The following AKAIN1 variants were observed in gnomAD, a reference collection of about 807,000 sequenced individuals.
AKAIN1 encodes A-kinase anchor inhibitor 1.
Under a neutral mutation model 3.7 loss-of-function variants are expected in AKAIN1, and 3 were observed. That is an observed-to-expected ratio of 0.82 (90% CI 0.37 to 2.12). The LOEUF is 2.12. Among genes scored for constraint, AKAIN1 ranks in the 30% most tolerant of loss-of-function variants. The pLI is 0.06. For missense variants in AKAIN1, 82 were observed against 82.7 expected (o/e 0.99, Z 0.03); for synonymous variants, 31 against 30.8 (o/e 1.01, Z -0.02).
At chr18:5,169,056 C>T (rs2143344546) in intron 1 of AKAIN1, among the ~76,000 whole-genome samples, 1 of 152,030 alleles carries the variant, frequency 6.6e-6, no homozygotes, top group South Asian at 2.1e-4. Context: ...GCAGGGCGGG[C>T]TGGCAATCTG....
chr18:5,182,856 C>A (rs1598314903), intron 1 of AKAIN1, among the ~76,000 whole-genome samples: 1 of 152,212 alleles, frequency 6.6e-6, no homozygotes, highest in East Asian at 1.9e-4. Flanking sequence ...AATCTAGGAA[C>A]TGTGCAAGGA....
intron 1 of AKAIN1, among the ~76,000 whole-genome samples, chr18:5,188,605 C>T (rs11081175): frequency 0.043 from 6,483 of 152,136 alleles, 443 homozygotes; most frequent in East Asian, 0.3. Context: ...GCTGCAAACC[C>T]TTGCTTGTAA....
At chr18:5,184,198 C>T (rs2071274565) in intron 1 of AKAIN1, among the ~76,000 whole-genome samples, 2 of 152,128 alleles carry the variant, frequency 1.3e-5, no homozygotes, top group South Asian at 4.1e-4. Flanking sequence ...AAGTGCTGCA[C>T]TGATTTGAGG....
At chr18:5,168,538 C>G (rs1297979669) in intron 1 of AKAIN1, among the ~76,000 whole-genome samples, 3 of 152,106 alleles carry the variant, frequency 2.0e-5, no homozygotes, top group Non-Finnish European at 4.4e-5. Flanking sequence ...ACCACACTGT[C>G]TTTATATTTC....
rs1334464300 is a variant in AKAIN1, at chr18:5,144,131, CCTGTGCA to C, written c.*1424_*1430del. Among the ~76,000 whole-genome samples, 3 of 152,108 alleles carry C rather than the reference CCTGTGCA, an allele frequency of 2.0e-5. No homozygotes were observed. The highest frequency in any genetic ancestry group is 4.4e-5 in the Non-Finnish European group (3 of 68,014). ...CCATGTTTCCTGTGAATTTATTCCA[CCTGTGCA>C]CTGTGGGAGATAGCATAACAAAGCT... On this transcript the variant is annotated 3_prime_UTR_variant, in exon 2 of 2. Coordinates refer to ENST00000434239, the MANE Select transcript of AKAIN1 (RefSeq NM_001145194.2).
chr18:5,161,989 A>C (rs1441796695), intron 1 of AKAIN1, among the ~76,000 whole-genome samples: 5 of 152,138 alleles, frequency 3.3e-5, no homozygotes, highest in Non-Finnish European at 7.4e-5. Flanking sequence ...TTTTTGGGAG[A>C]TCTGAGAGGC....
chr18:5,153,789 C>T (rs570175460), intron 1 of AKAIN1, among the ~76,000 whole-genome samples: 1 of 151,874 alleles, frequency 6.6e-6, no homozygotes, highest in South Asian at 2.1e-4. Flanking sequence ...AAGAGTAAAC[C>T]CTATTATGAA....
intron 1 of AKAIN1, among the ~76,000 whole-genome samples, chr18:5,182,004 G>A (rs542319219): frequency 3.9e-5 from 6 of 152,114 alleles, no homozygotes; most frequent in South Asian, 2.1e-4. Context: ...ATACCTAAAC[G>A]TATTCAGCTT....
At chr18:5,193,684 C>T (rs2071333779) in intron 1 of AKAIN1, among the ~76,000 whole-genome samples, 1 of 152,146 alleles carries the variant, frequency 6.6e-6, no homozygotes, top group South Asian at 2.1e-4. Context: ...TACCAATGGT[C>T]AGTGGTCTTT....
chr18:5,182,572 C>T (rs1172015125), intron 1 of AKAIN1, among the ~76,000 whole-genome samples: 1 of 152,102 alleles, frequency 6.6e-6, no homozygotes, highest in Non-Finnish European at 1.5e-5. Context: ...TCTGCAACAA[C>T]CAACTTTGCT....
Position 5,159,801 on chromosome 18 carries a change from C to T in AKAIN1, c.17-14046G>A, listed in dbSNP as rs551116641. ...AACTAGGCATTGGCCAGATCCTAGACGCCACCTGAGTACTGCTCTCCAATC... is the reference window on the plus strand; with the variant it reads ...AACTAGGCATTGGCCAGATCCTAGATGCCACCTGAGTACTGCTCTCCAATC... On this transcript the variant is annotated intron_variant, in intron 1 of 1. Transcript: ENST00000434239. Among the ~76,000 whole-genome samples the T allele has an allele frequency of 1.7e-4, 26 of 152,332 alleles. No homozygotes were observed. In the South Asian group the frequency reaches 4.1e-3, roughly 24 times the overall value.
At chr18:5,145,875 G>T in intron 1 of AKAIN1, 120 bp from the exon 2 acceptor site, 1 of 817,486 alleles carries the variant, frequency 1.2e-6, no homozygotes, top group Non-Finnish European at 1.9e-6. Flanking sequence ...CACTGGAGTG[G>T]ACCAGTTAAC....
chr18:5,187,536 G>A (rs1376433261), intron 1 of AKAIN1, among the ~76,000 whole-genome samples: 2 of 152,110 alleles, frequency 1.3e-5, no homozygotes, highest in Admixed American at 1.3e-4. Flanking sequence ...GAGAGAAATG[G>A]AGCCAAACTT....
chr18:5,174,542 AC>A (rs1395405603), intron 1 of AKAIN1, among the ~76,000 whole-genome samples: 5 of 152,124 alleles, frequency 3.3e-5, no homozygotes, highest in African/African-American at 1.2e-4. Flanking sequence ...GGAGTTCGAG[AC>A]CAGCCTGGCC....
At chr18:5,176,439 C>CAAAA (rs146227001) in intron 1 of AKAIN1, among the ~76,000 whole-genome samples, 8,293 of 150,720 alleles carry the variant, frequency 0.055, 574 homozygotes, top group African/African-American at 0.16. Flanking sequence ...GACCCTGTCT[C>CAAAA]AAAAACAAAC....
rs542185504 is a variant in AKAIN1 at position 5,173,025 on chromosome 18, A to C, written c.16+24013T>G. ...AAATATTTATTTCACAGTTGGTTAA[A>C]AATTATTGAATCATTAAAATCCCAC... On this transcript the variant is annotated intron_variant, in intron 1 of 1. Transcript: ENST00000434239. 4.6e-5 allele frequency among the ~76,000 whole-genome samples: 7 copies of C among 152,270 alleles called. No homozygotes were observed. In the East Asian group the frequency reaches 7.7e-4, roughly 17 times the overall value.
At chr18:5,168,390 G>A (rs2071178490) in intron 1 of AKAIN1, among the ~76,000 whole-genome samples, 1 of 152,084 alleles carries the variant, frequency 6.6e-6, no homozygotes, top group Non-Finnish European at 1.5e-5. Flanking sequence ...CTGTAAAGAA[G>A]TTGGATGTTA....
At chr18:5,173,219 A>G (rs760881817) in intron 1 of AKAIN1, among the ~76,000 whole-genome samples, 2 of 152,204 alleles carry the variant, frequency 1.3e-5, no homozygotes, top group Non-Finnish European at 2.9e-5. Flanking sequence ...ACAATTGCTG[A>G]AAGCTTTTTG....
intron 1 of AKAIN1, among the ~76,000 whole-genome samples, chr18:5,194,818 C>G (rs529963847): frequency 2.6e-5 from 4 of 152,306 alleles, no homozygotes; most frequent in African/African-American, 9.6e-5. Flanking sequence ...GACCCTGTTT[C>G]TTCCCTTTCT....
Sources: gnomAD v4.1 joint callset for allele counts (sites outside exome capture counted in the v4.1 genomes callset) on GRCh38, gnomAD v4.1.1 for gene constraint, MANE v1.5 for transcripts, NCBI Gene and HGNC (gene_info 2026-07-23, HGNC 2026-07-21) for gene names.